The following LINS1 variants were observed in gnomAD, a reference collection of about 807,000 sequenced individuals.
The protein encoded by LINS1 is protein Lines homolog 1.
Under a neutral mutation model 41.6 loss-of-function variants are expected in LINS1, and 27 were observed. The ratio of observed to expected loss-of-function variants is 0.65; its 90% CI spans 0.48 to 0.89. The LOEUF (loss-of-function observed/expected upper bound fraction) is 0.89, where lower values mean the gene tolerates loss of function less well. Among genes scored for constraint, LINS1 ranks in the 40% least tolerant of loss-of-function variants. The pLI is 0.00. For missense variants in LINS1, 955 were observed against 884.1 expected, an observed-to-expected ratio of 1.08 and a Z score of -1.02; for synonymous variants, 336 against 312.9, an observed-to-expected ratio of 1.07 and a Z score of -0.78.
chr15:100,576,734 T>G (rs2038208154), intron 3 of LINS1: 1 of 152,206 alleles, frequency 6.6e-6, no homozygotes, highest in Non-Finnish European at 1.5e-5. Flanking sequence ...AAGAGAATTT[T>G]AGACCAATAT....
At chr15:100,573,157 T>C (rs1377515260) in intron 5 of LINS1, 1 of 160,296 alleles carries the variant, frequency 6.2e-6, no homozygotes, top group Non-Finnish European at 1.3e-5. Flanking sequence ...CTCCATCTGT[T>C]GCACCAGGAC....
chr15:100,593,934 T>C (rs1024365069), intron 1 of LINS1, among the ~76,000 whole-genome samples: 4 of 152,176 alleles, frequency 2.6e-5, no homozygotes, highest in Non-Finnish European at 2.9e-5. Context: ...CAACTACAGG[T>C]TGAAATGTTA....
At chr15:100,593,687 T>C (rs1277867011) in intron 1 of LINS1, among the ~76,000 whole-genome samples, 2 of 152,154 alleles carry the variant, frequency 1.3e-5, no homozygotes, top group Non-Finnish European at 2.9e-5. Context: ...AGAGCCTGTG[T>C]CCTTCACCAC....
chr15:100,587,992 T>C (rs1039418521), intron 1 of LINS1, among the ~76,000 whole-genome samples: 4 of 152,240 alleles, frequency 2.6e-5, no homozygotes, highest in Non-Finnish European at 4.4e-5. Flanking sequence ...AAGAATTTCT[T>C]AGTAGTCAGA....
At position 100,569,877 on chromosome 15, in the gene LINS1, A is replaced by T. The variant is rs768700362; in HGVS notation, c.1635T>A (p.Phe545Leu). Residue 545 changes from phenylalanine (F) to leucine (L), a missense_variant, in exon 7 of 7, where the codon TTT (phenylalanine) becomes TTA (leucine). Physicochemically the swap from Phe to Leu is conservative, Grantham distance 22. Transcript: ENST00000314742. ...TGTCATATTTAGATTCAGTTGCATC[A>T]AAGTTATTGCAAATGGTGAAAAAAT... ...WDNFFTICNN[F>L]DATESKYDIS... 3 of 1,613,842 alleles carry T rather than the reference A, an allele frequency of 1.9e-6. No homozygotes were observed. The Admixed American group carries it at 5.0e-5, about 27-fold the overall frequency.
At chr15:100,588,445 A>G (rs951029749) in intron 1 of LINS1, among the ~76,000 whole-genome samples, 2 of 152,262 alleles carry the variant, frequency 1.3e-5, no homozygotes, top group Non-Finnish European at 2.9e-5. Context: ...ATTTTGTCAG[A>G]AAAGTAAAAA....
chr15:100,570,938 G>C (rs1750115049), intron 6 of LINS1, among the ~76,000 whole-genome samples: 1 of 152,196 alleles, frequency 6.6e-6, no homozygotes, highest in Admixed American at 6.5e-5. Flanking sequence ...CACACACAAA[G>C]TCAGTTTCAT....
intron 1 of LINS1, among the ~76,000 whole-genome samples, chr15:100,598,567 A>G (rs548859590): frequency 2.8e-4 from 43 of 152,356 alleles, no homozygotes; most frequent in African/African-American, 1.0e-3. Flanking sequence ...AGAATACCAT[A>G]GAAGACCAAA....
chr15:100,584,350 G>T (rs987342321), intron 1 of LINS1, among the ~76,000 whole-genome samples: 10 of 152,076 alleles, frequency 6.6e-5, no homozygotes, highest in African/African-American at 2.2e-4. Context: ...ATTGCTATCT[G>T]ACCTAGTTTC....
In LINS1 at chr15:100,573,817, T is replaced by A. The variant is rs779905078; in HGVS notation, c.1056A>T (p.Thr352=). 2.5e-6 allele frequency: 4 copies of A among 1,614,240 alleles called. No homozygotes were observed. The highest frequency in any genetic ancestry group is 3.4e-6 in the Non-Finnish European group (4 of 1,180,038). The change falls in exon 5 of 7, where the codon ACA becomes ACT. Residue 352 remains threonine, a synonymous_variant. Coordinates refer to ENST00000314742, the MANE Select transcript of LINS1 (RefSeq NM_001040616.3). ...LQAVNSGLLK[T]LSVYEKHSFF... ...AGGAATGTTTTTCATAAACAGACAGTGTCTTCAACAACCCCGAATTCACAG... is the reference window on the plus strand; with the variant it reads ...AGGAATGTTTTTCATAAACAGACAGAGTCTTCAACAACCCCGAATTCACAG...
chr15:100,573,326 A>T, intron 5 of LINS1: 1 of 1,082,620 alleles, frequency 9.2e-7, no homozygotes, highest in East Asian at 4.2e-5. Flanking sequence ...AAAAAAAAAA[A>T]AGGATTAATA....
At chr15:100,581,002 A>G (rs1182094910) in intron 1 of LINS1, 57 bp from the exon 2 acceptor site, 2 of 631,344 alleles carry the variant, frequency 3.2e-6, no homozygotes, top group African/African-American at 1.8e-5. Flanking sequence ...TTACAAGAGA[A>G]AGCAACTGTT....
At chr15:100,597,895 G>A (rs2039315179) in intron 1 of LINS1, among the ~76,000 whole-genome samples, 1 of 152,204 alleles carries the variant, frequency 6.6e-6, no homozygotes, top group African/African-American at 2.4e-5. Flanking sequence ...CAGCCAAGTA[G>A]CATACTCAAA....
At chr15:100,573,076 G>C (rs2037926608) in intron 5 of LINS1, 1 of 154,940 alleles carries the variant, frequency 6.5e-6, no homozygotes, top group Non-Finnish European at 1.4e-5. Flanking sequence ...AAACACATAA[G>C]TGGGAGTGAA....
Position 100,580,676 on chromosome 15 carries a change from T to A in LINS1, c.167A>T (p.Gln56Leu). The A allele has an allele frequency of 6.2e-7, 1 of 1,613,942 alleles. No individual in the cohort carries two copies. Among genetic ancestry groups the A allele is most frequent in the Non-Finnish European group, 8.5e-7 (1 of 1,179,932 alleles). The change falls in exon 2 of 7, where the codon CAG becomes CTG. Residue 56 changes from glutamine (Q) to leucine (L), a missense_variant. By Grantham distance (113) the Gln-to-Leu change is moderately radical (BLOSUM62 -2). Transcript: ENST00000314742. ...SLEWANTCGIQGRHQPISVGV... is the reference protein window; with the variant it reads ...SLEWANTCGILGRHQPISVGV... ...AACAGAGATGGGCTGATGCCTGCCC[T>A]GGATACCACAGGTGTTTGCCCATTC...
intron 4 of LINS1, 42 bp from the exon 5 acceptor site, chr15:100,574,283 C>T (rs1321129494): frequency 8.4e-7 from 1 of 1,191,648 alleles, no homozygotes; most frequent in Admixed American, 1.8e-5. Context: ...GAAAAACAGT[C>T]TTCTTCAAAC....
Position 100,568,260 on chromosome 15 carries a change from C to G in LINS1, c.*978G>C, listed in dbSNP as rs2037626252. 6.6e-6 allele frequency: 1 copy of G among 152,066 alleles called. No individual in the cohort carries two copies. Among genetic ancestry groups the G allele is most frequent in the Non-Finnish European group, 1.5e-5 (1 of 68,022 alleles). The allele number at this position is 152,066 out of a possible 1,614,324, so 9.4% of individuals were successfully genotyped here. ...ATATATCGCTTTCTGTGTAAATACC[C>G]CAGAAGGAAATAGTAACTGTATTTG... On this transcript the variant is annotated 3_prime_UTR_variant, in exon 7 of 7. Coordinates refer to ENST00000314742, the MANE Select transcript of LINS1 (RefSeq NM_001040616.3).
rs2037661652 is a variant in LINS1 at position 100,569,182 on chromosome 15, T to C, written c.*56A>G. ...TGATGATTTTATACTATTACCTCATTGAGACATAATTTATATTAAGGAAAA... is the reference window on the plus strand; with the variant it reads ...TGATGATTTTATACTATTACCTCATCGAGACATAATTTATATTAAGGAAAA... On this transcript the variant is annotated 3_prime_UTR_variant, in exon 7 of 7. Coordinates refer to ENST00000314742, the MANE Select transcript of LINS1 (RefSeq NM_001040616.3). The C allele has an allele frequency of 8.2e-7, 1 of 1,220,862 alleles. No homozygotes were observed. The highest frequency in any genetic ancestry group is 1.2e-6 in the Non-Finnish European group (1 of 835,266). The allele number at this position is 1,220,862 out of a possible 1,614,324, so 75.6% of individuals were successfully genotyped here. A position where few individuals can be genotyped will look rare whatever the true frequency, so the allele number is the denominator to read the frequency against.
At chr15:100,572,630 T>A (rs1008564043) in intron 5 of LINS1, 1 of 984,576 alleles carries the variant, frequency 1.0e-6, no homozygotes, top group Non-Finnish European at 1.2e-6. Context: ...TTATAACTAA[T>A]GTGTAGTTAT....
Sources: gnomAD v4.1 joint callset for allele counts (sites outside exome capture counted in the v4.1 genomes callset) on GRCh38, gnomAD v4.1.1 for gene constraint, MANE v1.5 for transcripts, NCBI Gene and HGNC (gene_info 2026-07-23, HGNC 2026-07-21) for gene names.